The following OR2C1 variants were observed in gnomAD, a reference collection of about 807,000 sequenced individuals.
OR2C1 encodes olfactory receptor 2C1.
For missense variants in OR2C1, 468 were observed against 388.3 expected (o/e 1.21, Z -1.73); for synonymous variants, 209 against 167.3 (o/e 1.25, Z -1.92).
At chr16:3,350,196 C>A in the OR2C1 span, among the ~76,000 whole-genome samples, 15 of 149,690 alleles carry the variant, frequency 1.0e-4, no homozygotes, top group East Asian at 2.1e-3. Flanking sequence ...GCTGGAATTA[C>A]AGGCGCCTGC....
chr16:3,349,497 C>G, the OR2C1 span, among the ~76,000 whole-genome samples: 1 of 152,194 alleles, frequency 6.6e-6, no homozygotes, highest in Admixed American at 6.5e-5. Context: ...GAGCGCAGCA[C>G]AGCCTCCCTC....
the OR2C1 span, among the ~76,000 whole-genome samples, chr16:3,326,233 T>G: frequency 6.6e-6 from 1 of 152,024 alleles, no homozygotes; most frequent in Non-Finnish European, 1.5e-5. Flanking sequence ...CTGGCTCAAG[T>G]GCATTCTTAT....
the OR2C1 span, among the ~76,000 whole-genome samples, chr16:3,325,460 A>AATATATAT: frequency 2.0e-3 from 188 of 93,058 alleles, no homozygotes; most frequent in African/African-American, 2.4e-3. Context: ...TATGTCTAAA[A>AATATATAT]ATATATATAT....
chr16:3,345,354 C>T, the OR2C1 span, among the ~76,000 whole-genome samples: 10 of 151,744 alleles, frequency 6.6e-5, no homozygotes, highest in Admixed American at 1.3e-4. Context: ...GGCGTGATGG[C>T]GGGCACCTGT....
At chr16:3,334,842 G>C in the OR2C1 span, among the ~76,000 whole-genome samples, 47 of 150,250 alleles carry the variant, frequency 3.1e-4, no homozygotes, top group African/African-American at 1.1e-3. Context: ...TTTTAAGACA[G>C]AGTCTCACTC....
the OR2C1 span, among the ~76,000 whole-genome samples, chr16:3,326,888 C>T: frequency 6.6e-6 from 1 of 152,252 alleles, no homozygotes; most frequent in East Asian, 1.9e-4. Flanking sequence ...GAAATTCAGT[C>T]CTTGGTAACA....
the OR2C1 span, chr16:3,323,519 G>C: frequency 2.7e-4 from 199 of 746,058 alleles, 1 homozygote; most frequent in Non-Finnish European, 5.6e-5. Context: ...GATCACATAA[G>C]GTTCCACTAT....
chr16:3,352,963 G>A (rs558140752), upstream of OR2C1, among the ~76,000 whole-genome samples: 2 of 150,806 alleles, frequency 1.3e-5, no homozygotes, highest in Admixed American at 6.6e-5. Context: ...GGATGGTCTC[G>A]AACTCCCGAC....
the OR2C1 span, among the ~76,000 whole-genome samples, chr16:3,347,859 C>T: frequency 2.0e-4 from 1 of 4,924 alleles, no homozygotes; most frequent in African/African-American, 7.9e-4. Flanking sequence ...CACGCACACA[C>T]GCGCACACAC....
the OR2C1 span, among the ~76,000 whole-genome samples, chr16:3,330,102 G>A: frequency 1.4e-5 from 2 of 146,426 alleles, no homozygotes; most frequent in Non-Finnish European, 3.0e-5. Flanking sequence ...TTGTTTTTTT[G>A]TTTTGTTTGT....
At chr16:3,350,415 T>G in the OR2C1 span, among the ~76,000 whole-genome samples, 491 of 150,100 alleles carry the variant, frequency 3.3e-3, 8 homozygotes, top group Admixed American at 0.026. Context: ...TTTGTTTTTT[T>G]TGTGTTTTTT....
chr16:3,334,470 G>T, the OR2C1 span, among the ~76,000 whole-genome samples: 1 of 150,148 alleles, frequency 6.7e-6, no homozygotes, highest in Non-Finnish European at 1.5e-5. Flanking sequence ...TACAGACAGG[G>T]TTTTACCATG....
chr16:3,349,665 A>G, the OR2C1 span, among the ~76,000 whole-genome samples: 135,293 of 152,082 alleles, frequency 0.89, 60,276 homozygotes, highest in East Asian at 0.95. Flanking sequence ...ACAGGGGGGA[A>G]AAAAGATGGG....
At chr16:3,355,342 C>T (rs1411321194), upstream of OR2C1, among the ~76,000 whole-genome samples, 1 of 150,228 alleles carries the variant, frequency 6.7e-6, no homozygotes, top group Non-Finnish European at 1.5e-5. Context: ...CCTGTAGTCC[C>T]AGCTACTCGT....
chr16:3,356,524 A>G lies in OR2C1; in HGVS notation c.584A>G (p.Asn195Ser), dbSNP rs2030680237. The change falls in exon 1 of 1, where the codon AAC becomes AGC. Residue 195 changes from asparagine (N) to serine (S), a missense_variant. By Grantham distance (46) the Asn-to-Ser change is conservative. Coordinates refer to ENST00000304936, the MANE Select transcript of OR2C1 (RefSeq NM_012368.3). Reference protein sequence around the residue: ...IKLACGDTSLNQAVLNGVCTF... With the variant: ...IKLACGDTSLSQAVLNGVCTF... Reference sequence around the variant, plus strand: ...CTGGCCTGTGGCGACACAAGTCTCAACCAGGCTGTGCTCAATGGTGTCTGC... The same window carrying G: ...CTGGCCTGTGGCGACACAAGTCTCAGCCAGGCTGTGCTCAATGGTGTCTGC... 1.2e-6 allele frequency: 2 copies of G among 1,614,136 alleles called. No individual in the cohort carries two copies. Among genetic ancestry groups the G allele is most frequent in the Non-Finnish European group, 1.7e-6 (2 of 1,180,028 alleles).
chr16:3,342,943 G>T, the OR2C1 span, among the ~76,000 whole-genome samples: 1 of 152,150 alleles, frequency 6.6e-6, no homozygotes, highest in Admixed American at 6.6e-5. Flanking sequence ...GATCTCCAGT[G>T]AATTATGCTG....
the OR2C1 span, among the ~76,000 whole-genome samples, chr16:3,339,618 G>A: frequency 3.3e-5 from 5 of 151,902 alleles, no homozygotes; most frequent in South Asian, 4.1e-4. Flanking sequence ...CACTATGCCC[G>A]GCTAATTTTT....
chr16:3,347,449 T>C, the OR2C1 span, among the ~76,000 whole-genome samples: 4 of 151,762 alleles, frequency 2.6e-5, no homozygotes, highest in African/African-American at 9.7e-5. Context: ...CTGTGAGATA[T>C]TCAAACAACA....
the OR2C1 span, among the ~76,000 whole-genome samples, chr16:3,327,776 C>T: frequency 6.6e-6 from 1 of 152,076 alleles, no homozygotes; most frequent in African/African-American, 2.4e-5. Flanking sequence ...ATAATAATTA[C>T]ACCAGGCATC....
Sources: gnomAD v4.1 joint callset for allele counts (sites outside exome capture counted in the v4.1 genomes callset) on GRCh38, gnomAD v4.1.1 for gene constraint, MANE v1.5 for transcripts, NCBI Gene and HGNC (gene_info 2026-07-23, HGNC 2026-07-21) for gene names.